ZNF670: variants seen among roughly 807,000 people sequenced by gnomAD.
ZNF670 encodes the protein zinc finger protein 670.
Under a neutral mutation model 10.9 loss-of-function variants are expected in ZNF670, and 7 were observed. That is an observed-to-expected ratio of 0.64 (90% CI 0.36 to 1.20). The LOEUF is 1.20. Ranked by LOEUF, ZNF670 falls within the 50% of genes most tolerant of loss-of-function variation. ZNF670 has a pLI of 0.02. For missense variants in ZNF670, 446 were observed against 458.6 expected (o/e 0.97, Z 0.25); for synonymous variants, 136 against 152.7 (o/e 0.89, Z 0.81).
intron 1 of ZNF670, among the ~76,000 whole-genome samples, chr1:247,046,362 G>A (rs922474448): frequency 6.6e-5 from 10 of 152,168 alleles, no homozygotes; most frequent in Non-Finnish European, 1.3e-4. Context: ...GTACCAGGTC[G>A]AAAGCATCAC....
In ZNF670 at chr1:247,037,682, G is replaced by A. The variant is rs978514345; in HGVS notation, c.937C>T (p.Gln313Ter). The A allele has an allele frequency of 6.2e-7, 1 of 1,613,938 alleles. No individual in the cohort carries two copies. ...HSGEKPYECK[Q>*]CGKAFKYSSN... ...GAATATTTGAAGGCTTTACCACATT[G>A]TTTACATTCATAGGGCTTTTCTCCA... The change falls in exon 4 of 4, where the codon CAA becomes TAA. Residue 313 changes from glutamine to a stop codon, truncating the protein, a stop_gained. Transcript: ENST00000366503. LOFTEE classifies it low-confidence loss of function (END_TRUNC).
chr1:247,037,254 T>G lies in ZNF670; in HGVS notation c.*195A>C. 1 of 541,454 alleles carries G rather than the reference T, an allele frequency of 1.8e-6. No individual in the cohort carries two copies. Among genetic ancestry groups the G allele is most frequent in the Non-Finnish European group, 3.0e-6 (1 of 334,416 alleles). The allele number at this position is 541,454 out of a possible 1,614,324, so 33.5% of individuals were successfully genotyped here. The stretch of plus-strand genomic sequence containing the variant: ...ACACATTTTTCGTATTTTATGACGT[T>G]CTTTCCCAGGACGGGTCCTTCTAAG... On this transcript the variant is annotated 3_prime_UTR_variant, in exon 4 of 4. Transcript: ENST00000366503.
At position 247,038,577 on chromosome 1, in the gene ZNF670, T is replaced by G. The variant is rs1490420027; in HGVS notation, c.192-150A>C. On this transcript the variant is annotated intron_variant, in intron 3 of 3. Coordinates refer to ENST00000366503, the MANE Select transcript of ZNF670 (RefSeq NM_033213.5). The stretch of plus-strand genomic sequence containing the variant: ...TAAGATATGGGTCCCCCATAGCTAT[T>G]ATCATTATTATCATAATTGTGATAG... 8.8e-6 allele frequency: 7 copies of G among 798,216 alleles called. No individual in the cohort carries two copies. The African/African-American group carries it at 1.2e-4, about 14-fold the overall frequency. The allele number at this position is 798,216 out of a possible 1,614,324, so 49.4% of individuals were successfully genotyped here. A position where few individuals can be genotyped will look rare whatever the true frequency, so the allele number is the denominator to read the frequency against.
chr1:247,043,282 TA>T, intron 1 of ZNF670: 2 of 642,766 alleles, frequency 3.1e-6, no homozygotes, highest in East Asian at 7.5e-5. Context: ...AGGAGGGGTG[TA>T]CATTGTTTGG....
intron 1 of ZNF670, among the ~76,000 whole-genome samples, chr1:247,054,915 A>G (rs1400394592): frequency 6.6e-6 from 1 of 152,242 alleles, no homozygotes; most frequent in Non-Finnish European, 1.5e-5. Flanking sequence ...ACAAGAAAGA[A>G]AGTAAATCAT....
chr1:247,065,031 C>T (rs918550310), intron 1 of ZNF670, among the ~76,000 whole-genome samples: 5 of 152,144 alleles, frequency 3.3e-5, no homozygotes, highest in African/African-American at 1.2e-4. Context: ...TCGTCTTGAA[C>T]TCCTGAGCTC....
At chr1:247,051,535 C>CA (rs1670595355) in intron 1 of ZNF670, among the ~76,000 whole-genome samples, 2 of 152,176 alleles carry the variant, frequency 1.3e-5, no homozygotes, top group South Asian at 4.1e-4. Context: ...TTTTGCCTCA[C>CA]AGCTCTTCAG....
Position 247,038,391 on chromosome 1 carries a change from T to C in ZNF670, c.228A>G (p.Glu76=), listed in dbSNP as rs1295542430. 1 of 1,612,746 alleles carries C rather than the reference T, an allele frequency of 6.2e-7. No individual in the cohort carries two copies. Among genetic ancestry groups the C allele is most frequent in the South Asian group, 1.1e-5 (1 of 91,036 alleles). Residue 76 remains glutamate (E), a synonymous_variant, in exon 4 of 4, where the codon GAA becomes GAG. Transcript: ENST00000366503. ...TGAAGGTTTCTCCATATTGACTGCC[T>C]TCTTTAATTTCAAACAGTCTCTCTA... ...HVVERLFEIK[E]GSQYGETFSQ...
At position 247,034,655 on chromosome 1, in the gene ZNF670, G is replaced by A. The variant is rs900502487; in HGVS notation, c.*2794C>T. Among the ~76,000 whole-genome samples the A allele has an allele frequency of 1.3e-5, 2 of 152,196 alleles. No individual in the cohort carries two copies. Among genetic ancestry groups the A allele is most frequent in the South Asian group, 4.1e-4 (2 of 4,836 alleles). ...CCACTAGTCTTGCACAAGTCATCTTGTTACACAATTAGGTGACATGCTTAA... is the reference window on the plus strand; with the variant it reads ...CCACTAGTCTTGCACAAGTCATCTTATTACACAATTAGGTGACATGCTTAA... On this transcript the variant is annotated 3_prime_UTR_variant, in exon 4 of 4. Transcript: ENST00000366503.
At chr1:247,044,403 C>T (rs905490416) in intron 1 of ZNF670, among the ~76,000 whole-genome samples, 1 of 152,152 alleles carries the variant, frequency 6.6e-6, no homozygotes, top group Non-Finnish European at 1.5e-5. Context: ...TTGAAGATTT[C>T]TCAAAAAACT....
At chr1:247,043,131 C>T in intron 1 of ZNF670, 2 of 946,112 alleles carry the variant, frequency 2.1e-6, no homozygotes, top group Non-Finnish European at 3.4e-6. Flanking sequence ...ACATGACAGA[C>T]ATGACAATGT....
chr1:247,061,679 C>G (rs895876063), intron 1 of ZNF670, among the ~76,000 whole-genome samples: 3 of 152,186 alleles, frequency 2.0e-5, no homozygotes, highest in Non-Finnish European at 4.4e-5. Flanking sequence ...TCCATGAAAT[C>G]CACAACCAGG....
At position 247,035,373 on chromosome 1, in the gene ZNF670, G is replaced by A. The variant is rs1670125198; in HGVS notation, c.*2076C>T. 6.6e-6 allele frequency among the ~76,000 whole-genome samples: 1 copy of A among 152,188 alleles called. No individual in the cohort carries two copies. The highest frequency in any genetic ancestry group is 2.4e-5 in the African/African-American group (1 of 41,438). On this transcript the variant is annotated 3_prime_UTR_variant, in exon 4 of 4. Transcript: ENST00000366503. The stretch of plus-strand genomic sequence containing the variant: ...GTCCACACAAGACTTGCACTACGGA[G>A]CAGATAGAACAAACAGGGTGTAAGG...
chr1:247,070,343 C>T (rs1423523654), intron 1 of ZNF670, among the ~76,000 whole-genome samples: 2 of 151,962 alleles, frequency 1.3e-5, no homozygotes, highest in African/African-American at 4.8e-5. Flanking sequence ...TGGTGGCAGG[C>T]GCCTGTAGTC....
At chr1:247,038,757 G>A in intron 3 of ZNF670, 53 bp downstream of exon 3, 2 of 1,460,858 alleles carry the variant, frequency 1.4e-6, no homozygotes, top group Non-Finnish European at 1.9e-6. Flanking sequence ...AAAAACTTAT[G>A]ACATGCTAAG....
intron 1 of ZNF670, among the ~76,000 whole-genome samples, chr1:247,062,984 C>A (rs1270344661): frequency 1.3e-5 from 2 of 152,214 alleles, no homozygotes. Flanking sequence ...GGATACATCA[C>A]TCTTTACAGT....
In ZNF670 at chr1:247,034,666, A is replaced by C. The variant is rs1481525867; in HGVS notation, c.*2783T>G. On this transcript the variant is annotated 3_prime_UTR_variant, in exon 4 of 4. Transcript: ENST00000366503. ...GCACAAGTCATCTTGTTACACAATT[A>C]GGTGACATGCTTAATTCTCCCCAGC... 6.6e-6 allele frequency among the ~76,000 whole-genome samples: 1 copy of C among 152,208 alleles called. No individual in the cohort carries two copies. Among genetic ancestry groups the C allele is most frequent in the Non-Finnish European group, 1.5e-5 (1 of 68,038 alleles).
chr1:247,042,292 C>T (rs955561521), intron 1 of ZNF670, among the ~76,000 whole-genome samples: 3 of 152,148 alleles, frequency 2.0e-5, no homozygotes, highest in African/African-American at 4.8e-5. Flanking sequence ...GCGGCAGAAC[C>T]GATTAGCAAG....
At chr1:247,058,793 C>T (rs1289237257) in intron 1 of ZNF670, among the ~76,000 whole-genome samples, 2 of 150,944 alleles carry the variant, frequency 1.3e-5, no homozygotes, top group Non-Finnish European at 1.5e-5. Context: ...TGAACCAATC[C>T]TTTGAAAAAA....
Sources: allele counts gnomAD v4.1 joint callset (sites outside exome capture counted in the v4.1 genomes callset), GRCh38; gene constraint gnomAD v4.1.1; transcripts MANE v1.5; gene names NCBI Gene and HGNC (gene_info 2026-07-23, HGNC 2026-07-21).